PTPRD: variants seen among roughly 807,000 people sequenced by gnomAD.
PTPRD encodes the protein receptor-type tyrosine-protein phosphatase delta.
Under a neutral mutation model 214.5 loss-of-function variants are expected in PTPRD, and 34 were observed. The ratio of observed to expected loss-of-function variants is 0.16; its 90% CI spans 0.12 to 0.21. The LOEUF (loss-of-function observed/expected upper bound fraction) is 0.21, where lower values mean the gene tolerates loss of function less well. PTPRD is among the 10% of genes least tolerant of loss of function. PTPRD has a pLI of 1.00. For missense variants in PTPRD, 2,545 were observed against 2,398.7 expected (o/e 1.06, Z -1.27); for synonymous variants, 1,128 against 845.7 (o/e 1.33, Z -5.79).
intron 9 of PTPRD, among the ~76,000 whole-genome samples, chr9:9,285,981 T>C (rs1949223669): frequency 6.6e-6 from 1 of 151,746 alleles, no homozygotes; most frequent in South Asian, 2.1e-4. Flanking sequence ...CTCAACATGC[T>C]CAAAACTGAA....
chr9:10,519,310 G>A (rs942261652), intron 2 of PTPRD, among the ~76,000 whole-genome samples: 5 of 139,490 alleles, frequency 3.6e-5, no homozygotes, highest in South Asian at 4.7e-4. Context: ...AATGACCTGC[G>A]AATTCTCCTC....
At chr9:8,456,912 T>C (rs2096228350) in intron 33 of PTPRD, among the ~76,000 whole-genome samples, 1 of 152,180 alleles carries the variant, frequency 6.6e-6, no homozygotes, top group Non-Finnish European at 1.5e-5. Context: ...TGCTTTTCCA[T>C]AGAGGTAAGG....
intron 8 of PTPRD, among the ~76,000 whole-genome samples, chr9:9,547,474 T>C (rs1194048380): frequency 6.6e-6 from 1 of 152,060 alleles, no homozygotes; most frequent in Non-Finnish European, 1.5e-5. Flanking sequence ...CCTGTTGAAA[T>C]CTCAGAATGC....
intron 39 of PTPRD, among the ~76,000 whole-genome samples, chr9:8,368,520 A>C (rs1221696589): frequency 1.3e-5 from 2 of 152,002 alleles, no homozygotes; most frequent in Non-Finnish European, 2.9e-5. Flanking sequence ...TATTGGCCTC[A>C]CCTCTCTTCC....
At chr9:8,856,481 G>T (rs536119633) in intron 11 of PTPRD, among the ~76,000 whole-genome samples, 7 of 152,260 alleles carry the variant, frequency 4.6e-5, no homozygotes, top group African/African-American at 1.7e-4. Flanking sequence ...CCTCTGAGAG[G>T]TTCAAACTGT....
chr9:10,375,145 T>A (rs1338497441), intron 2 of PTPRD, among the ~76,000 whole-genome samples: 1 of 152,106 alleles, frequency 6.6e-6, no homozygotes, highest in East Asian at 1.9e-4. Flanking sequence ...TTTTTCTACA[T>A]GGCAACATAG....
chr9:9,909,885 T>C (rs897885874), intron 5 of PTPRD, among the ~76,000 whole-genome samples: 1 of 151,956 alleles, frequency 6.6e-6, no homozygotes, highest in Non-Finnish European at 1.5e-5. Flanking sequence ...CTGTATATTT[T>C]TTTCTTTATA....
chr9:10,382,487 T>C lies in PTPRD; in HGVS notation c.-599-41470A>G, dbSNP rs532910452. Among the ~76,000 whole-genome samples the C allele has an allele frequency of 1.1e-3, 168 of 152,096 alleles. 4 individuals are homozygous for C. Among genetic ancestry groups the C allele is most frequent in the Middle Eastern group, 6.8e-3 (2 of 294 alleles). ...GAAACATTACCTCGTCTATGAAGAA[T>C]TATTGAAATACAATCTGAATTGAGT... On this transcript the variant is annotated intron_variant, in intron 2 of 45. Transcript: ENST00000381196.
intron 2 of PTPRD, among the ~76,000 whole-genome samples, chr9:10,439,874 G>C (rs1409961999): frequency 1.3e-5 from 2 of 151,476 alleles, no homozygotes; most frequent in African/African-American, 4.8e-5. Flanking sequence ...ACACTGTACT[G>C]TTTATTTTTA....
intron 3 of PTPRD, among the ~76,000 whole-genome samples, chr9:10,278,989 T>C (rs1596001025): frequency 6.6e-6 from 1 of 152,250 alleles, no homozygotes; most frequent in East Asian, 1.9e-4. Context: ...TTAGCCAGGA[T>C]GATCTCGATC....
intron 11 of PTPRD, among the ~76,000 whole-genome samples, chr9:8,764,602 C>A (rs1243356341): frequency 1.3e-5 from 2 of 151,948 alleles, no homozygotes; most frequent in Non-Finnish European, 2.9e-5. Context: ...TCAAGACTAG[C>A]CTGGCCAACA....
At chr9:8,551,507 C>T (rs188122471) in intron 14 of PTPRD, among the ~76,000 whole-genome samples, 131 of 151,924 alleles carry the variant, frequency 8.6e-4, no homozygotes, top group Non-Finnish European at 1.4e-3. Context: ...TGTTTTTTAA[C>T]GAAGGCTAAT....
In PTPRD at chr9:9,426,091, A is replaced by C. The variant is rs544197457; in HGVS notation, c.-236-28609T>G. ...CAGTGGATGCAGCCCACTGACTGTG[A>C]GCTGAAGCAGGGTGAGGCATCGCCT... is the stretch of plus-strand genomic sequence containing the variant. On this transcript the variant is annotated intron_variant, in intron 8 of 45. Transcript: ENST00000381196. Among the ~76,000 whole-genome samples the C allele has an allele frequency of 2.1e-3, 322 of 152,206 alleles. 1 individual carries two copies. The highest frequency in any genetic ancestry group is 7.0e-3 in the African/African-American group (291 of 41,534).
intron 11 of PTPRD, among the ~76,000 whole-genome samples, chr9:8,807,733 C>A (rs959059942): frequency 2.0e-5 from 3 of 151,926 alleles, no homozygotes; most frequent in Admixed American, 1.3e-4. Flanking sequence ...TTATTCAGAA[C>A]TTGATCTTAC....
chr9:9,510,864 C>G (rs1307842672), intron 8 of PTPRD, among the ~76,000 whole-genome samples: 1 of 151,524 alleles, frequency 6.6e-6, no homozygotes, highest in Non-Finnish European at 1.5e-5. Flanking sequence ...ACATAATTGA[C>G]AAAAATATCC....
At chr9:10,485,060 T>A (rs1347563748) in intron 2 of PTPRD, among the ~76,000 whole-genome samples, 1 of 151,936 alleles carries the variant, frequency 6.6e-6, no homozygotes, top group South Asian at 2.1e-4. Context: ...GAGATAGAGG[T>A]CTAGTTTCAT....
chr9:9,731,071 G>A (rs1564829586), intron 7 of PTPRD, among the ~76,000 whole-genome samples: 1 of 152,042 alleles, frequency 6.6e-6, no homozygotes, highest in South Asian at 2.1e-4. Context: ...TTATTTAAGT[G>A]AAAAAATGCT....
At chr9:10,485,767 T>A (rs1329236736) in intron 2 of PTPRD, among the ~76,000 whole-genome samples, 2 of 152,138 alleles carry the variant, frequency 1.3e-5, no homozygotes, top group Admixed American at 1.3e-4. Context: ...GGTGGAATCT[T>A]TAGGTTTTTC....
intron 5 of PTPRD, among the ~76,000 whole-genome samples, chr9:9,891,066 G>A (rs954865544): frequency 6.6e-6 from 1 of 152,022 alleles, no homozygotes; most frequent in Admixed American, 6.6e-5. Context: ...ATCTTTCATT[G>A]ACTGAAGCTT....
Sources: allele counts gnomAD v4.1 joint callset (sites outside exome capture counted in the v4.1 genomes callset), GRCh38; gene constraint gnomAD v4.1.1; transcripts MANE v1.5; gene names NCBI Gene and HGNC (gene_info 2026-07-23, HGNC 2026-07-21).